The following DUSP3 variants were observed in gnomAD, a reference collection of about 807,000 sequenced individuals.
DUSP3 encodes the protein dual specificity phosphatase 3, also known as dual specificity protein phosphatase 3.
A neutral mutation model predicts 15.5 loss-of-function variants in DUSP3; 7 were observed. The ratio of observed to expected loss-of-function variants is 0.45; its 90% CI spans 0.26 to 0.85. DUSP3 has a LOEUF of 0.85. Ranked by LOEUF, DUSP3 falls within the 40% of genes least tolerant of loss-of-function variation. The pLI, the probability that DUSP3 is intolerant of heterozygous loss-of-function variation, is 0.18. For synonymous variants in DUSP3, 86 were observed against 104.2 expected (o/e 0.83, Z 1.07); for missense variants, 209 against 251.7 (o/e 0.83, Z 1.15).
In DUSP3 at chr17:43,767,369, G is replaced by A. The variant is rs1598299147; in HGVS notation, c.*2240C>T. The A allele has an allele frequency of 1.3e-5, 2 of 152,820 alleles. No homozygotes were observed. The highest frequency in any genetic ancestry group is 4.1e-4 in the South Asian group (2 of 4,830). 9.5% of individuals were successfully genotyped at this position (152,820 alleles called of 1,614,324 possible). ...GAAAGAGCTGCACATTCTAGCCTAT[G>A]AGGGACCCACCCTTTTCACTTGCTT... On this transcript the variant is annotated 3_prime_UTR_variant, in exon 3 of 3. Transcript: ENST00000226004.
rs184658908 is a variant in DUSP3 at position 43,774,658 on chromosome 17, G to A, written c.352+54C>T. 1.1e-5 allele frequency: 18 copies of A among 1,590,662 alleles called. No individual in the cohort carries two copies. The East Asian group carries it at 4.0e-4, about 36-fold the overall frequency. On this transcript the variant is annotated intron_variant, in intron 2 of 2. Coordinates refer to ENST00000226004, the MANE Select transcript of DUSP3 (RefSeq NM_004090.4). Reference sequence around the variant, plus strand: ...ACCTGTTGTGGGCCTGTTTTCCAGAGGGACAGTCCAGTCAGAGCTGCCTCC... The same window carrying A: ...ACCTGTTGTGGGCCTGTTTTCCAGAAGGACAGTCCAGTCAGAGCTGCCTCC...
At chr17:43,773,959 C>T (rs570477792) in intron 2 of DUSP3, 6 of 179,340 alleles carry the variant, frequency 3.3e-5, no homozygotes, top group South Asian at 2.5e-4. Context: ...ATTAGCCAGG[C>T]GTGGGGGCGC....
rs770086273 is a variant in DUSP3, at chr17:43,769,605, T to A, written c.*4A>T. 2 of 1,605,782 alleles carry A rather than the reference T, an allele frequency of 1.2e-6. No individual in the cohort carries two copies. The highest frequency in any genetic ancestry group is 8.5e-7 in the Non-Finnish European group (1 of 1,175,940). ...ACCTCTCGAGCAGAGGTGGTGGGGGTGCCCTAGGGTTTCAACTTCCCCTCC... is the reference window on the plus strand; with the variant it reads ...ACCTCTCGAGCAGAGGTGGTGGGGGAGCCCTAGGGTTTCAACTTCCCCTCC... On this transcript the variant is annotated 3_prime_UTR_variant, in exon 3 of 3. Coordinates refer to ENST00000226004, the MANE Select transcript of DUSP3 (RefSeq NM_004090.4).
At position 43,767,274 on chromosome 17, in the gene DUSP3, C is replaced by T. The variant is rs1974252363; in HGVS notation, c.*2335G>A. The T allele has an allele frequency of 1.3e-5, 2 of 152,652 alleles. No individual in the cohort carries two copies. Among genetic ancestry groups the T allele is most frequent in the Admixed American group, 6.5e-5 (1 of 15,288 alleles). 9.5% of individuals were successfully genotyped at this position (152,652 alleles called of 1,614,324 possible). On this transcript the variant is annotated 3_prime_UTR_variant, in exon 3 of 3. Coordinates refer to ENST00000226004, the MANE Select transcript of DUSP3 (RefSeq NM_004090.4). Reference sequence around the variant, plus strand: ...CCTGGTCATGGGAGGGGAGCCCCAGCCCCAGCTCCCTAGCCTTTTCCAGGA... The same window carrying T: ...CCTGGTCATGGGAGGGGAGCCCCAGTCCCAGCTCCCTAGCCTTTTCCAGGA...
At chr17:43,770,448 G>A (rs1254054967) in intron 2 of DUSP3, among the ~76,000 whole-genome samples, 3 of 151,442 alleles carry the variant, frequency 2.0e-5, no homozygotes, top group African/African-American at 7.2e-5. Flanking sequence ...ACAAGGTCAG[G>A]AGTTCGAGAC....
At chr17:43,773,980 T>C in intron 2 of DUSP3, 1 of 194,346 alleles carries the variant, frequency 5.1e-6, no homozygotes, top group South Asian at 6.5e-5. Flanking sequence ...ATGCCTGTAA[T>C]CCCAGCTACT....
chr17:43,772,730 C>A (rs1974334460), intron 2 of DUSP3, among the ~76,000 whole-genome samples: 1 of 152,154 alleles, frequency 6.6e-6, no homozygotes, highest in African/African-American at 2.4e-5. Flanking sequence ...ACATCAGGTG[C>A]TAAGGAGACA....
chr17:43,774,729 G>A lies in DUSP3; in HGVS notation c.335C>T (p.Ala112Val). The A allele has an allele frequency of 6.2e-7, 1 of 1,614,196 alleles. No individual in the cohort carries two copies. The highest frequency in any genetic ancestry group is 8.5e-7 in the Non-Finnish European group (1 of 1,180,020). Residue 112 changes from alanine (A) to valine (V), a missense_variant, in exon 2 of 3, where the codon GCT (alanine) becomes GTT (valine). Coordinates refer to ENST00000226004, the MANE Select transcript of DUSP3 (RefSeq NM_004090.4). ...FERAADFIDQ[A>V]LAQKNGRVLV... is the part of the protein sequence containing the mutation. ...TCCCTTACCATTCTTTTGAGCCAAA[G>A]CCTGGTCAATGAAGTCGGCAGCCCT... is the stretch of plus-strand genomic sequence containing the variant.
chr17:43,776,449 T>C (rs1974389256), intron 1 of DUSP3, among the ~76,000 whole-genome samples: 1 of 152,250 alleles, frequency 6.6e-6, no homozygotes. Flanking sequence ...CTGCCCCTCA[T>C]GCCCACATCT....
chr17:43,776,361 C>T (rs1453545999), intron 1 of DUSP3, among the ~76,000 whole-genome samples: 2 of 152,230 alleles, frequency 1.3e-5, no homozygotes, highest in Non-Finnish European at 2.9e-5. Context: ...GCACAGGCCC[C>T]GTGTGCTGCT....
chr17:43,774,924 T>C lies in DUSP3; in HGVS notation c.140A>G (p.Asp47Gly), dbSNP rs1463698322. ...GCCTAGTTTCTGCAGCTTGGGGATGTCCTGAGCCACAGACCTGGACAGGAG... is the reference window on the plus strand; with the variant it reads ...GCCTAGTTTCTGCAGCTTGGGGATGCCCTGAGCCACAGACCTGGACAGGAG... ...IYVGNASVAQ[D>G]IPKLQKLGIT... Residue 47 changes from aspartate (D) to glycine (G), a missense_variant, in exon 2 of 3, where the codon GAC becomes GGC. Coordinates refer to ENST00000226004, the MANE Select transcript of DUSP3 (RefSeq NM_004090.4). 2 of 1,614,004 alleles carry C rather than the reference T, an allele frequency of 1.2e-6. No individual in the cohort carries two copies. Among genetic ancestry groups the C allele is most frequent in the Non-Finnish European group, 1.7e-6 (2 of 1,180,020 alleles).
chr17:43,767,091 C>T lies in DUSP3; in HGVS notation c.*2518G>A, dbSNP rs1182380162. 6.6e-6 allele frequency: 1 copy of T among 152,658 alleles called. No individual in the cohort carries two copies. The highest frequency in any genetic ancestry group is 1.5e-5 in the Non-Finnish European group (1 of 68,042). 9.5% of individuals were successfully genotyped at this position (152,658 alleles called of 1,614,324 possible). On this transcript the variant is annotated 3_prime_UTR_variant, in exon 3 of 3. Coordinates refer to ENST00000226004, the MANE Select transcript of DUSP3 (RefSeq NM_004090.4). ...GGACTATCAAGAAATCCCAAGTTAT[C>T]AGCATAAAAGTAGTCCCAAAGTAAA... is the stretch of plus-strand genomic sequence containing the variant.
intron 2 of DUSP3, among the ~76,000 whole-genome samples, chr17:43,771,087 C>G (rs1260461392): frequency 2.6e-5 from 4 of 151,458 alleles, no homozygotes; most frequent in Admixed American, 2.6e-4. Context: ...CAGATTGGCT[C>G]CAGGACCTCC....
chr17:43,770,454 G>A (rs1026878467), intron 2 of DUSP3, among the ~76,000 whole-genome samples: 3 of 151,540 alleles, frequency 2.0e-5, no homozygotes, highest in East Asian at 1.9e-4. Context: ...TCAGGAGTTC[G>A]AGACCAGACT....
rs369780062 is a variant in DUSP3 at position 43,767,500 on chromosome 17, A to C, written c.*2109T>G. The C allele has an allele frequency of 8.5e-5, 13 of 152,728 alleles. No homozygotes were observed. In the East Asian group the frequency reaches 9.7e-4, roughly 11 times the overall value. 9.5% of individuals were successfully genotyped at this position (152,728 alleles called of 1,614,324 possible). On this transcript the variant is annotated 3_prime_UTR_variant, in exon 3 of 3. Coordinates refer to ENST00000226004, the MANE Select transcript of DUSP3 (RefSeq NM_004090.4). ...AAGAATCCAGCTTCAGGGAGCAGCA[A>C]ACCCAAAATCTTGCCCAGCTCCACC...
intron 2 of DUSP3, among the ~76,000 whole-genome samples, chr17:43,773,464 G>A (rs1462953376): frequency 6.6e-6 from 1 of 152,148 alleles, no homozygotes; most frequent in African/African-American, 2.4e-5. Context: ...CCAGCGCCTT[G>A]GTAGTTCTCC....
Position 43,774,784 on chromosome 17 carries a change from G to A in DUSP3, c.280C>T (p.Gln94Ter). ...AAGTAAGCGCTGAGGTTGAACTCCT[G>A]TGTGTCGTTGGCCTTGATGCCCAGG... ...TYLGIKANDT[Q>*]EFNLSAYFER... Residue 94 changes from glutamine (Q) to a stop codon, truncating the protein, a stop_gained, in exon 2 of 3, where the codon CAG becomes TAG. Coordinates refer to ENST00000226004, the MANE Select transcript of DUSP3 (RefSeq NM_004090.4). LOFTEE classifies it high-confidence loss of function. 6.2e-7 allele frequency: 1 copy of A among 1,614,202 alleles called. No homozygotes were observed. The highest frequency in any genetic ancestry group is 8.5e-7 in the Non-Finnish European group (1 of 1,180,034).
intron 2 of DUSP3, among the ~76,000 whole-genome samples, chr17:43,770,294 G>C (rs1974297932): frequency 6.6e-6 from 1 of 152,112 alleles, no homozygotes; most frequent in Non-Finnish European, 1.5e-5. Flanking sequence ...GCAACACGGA[G>C]GCAGCACACA....
rs926565545 is a variant in DUSP3 at position 43,767,125 on chromosome 17, T to C, written c.*2484A>G. 2 of 152,624 alleles carry C rather than the reference T, an allele frequency of 1.3e-5. No homozygotes were observed. The highest frequency in any genetic ancestry group is 2.9e-5 in the Non-Finnish European group (2 of 68,050). 9.5% of individuals were successfully genotyped at this position (152,624 alleles called of 1,614,324 possible). A position where few individuals can be genotyped will look rare whatever the true frequency, so the allele number is the denominator to read the frequency against. ...AGTAGTCCCAAAGTAAAGGCAGTAA[T>C]TCTCCCAATGGCCTTTTCTCCCTCA... is the stretch of plus-strand genomic sequence containing the variant. On this transcript the variant is annotated 3_prime_UTR_variant, in exon 3 of 3. Coordinates refer to ENST00000226004, the MANE Select transcript of DUSP3 (RefSeq NM_004090.4).
Sources: allele counts gnomAD v4.1 joint callset (sites outside exome capture counted in the v4.1 genomes callset), GRCh38; gene constraint gnomAD v4.1.1; transcripts MANE v1.5; gene names NCBI Gene and HGNC (gene_info 2026-07-23, HGNC 2026-07-21).